IRF3: variants seen among roughly 807,000 people sequenced by gnomAD.
IRF3 encodes interferon regulatory factor 3.
Under a neutral mutation model 43.2 loss-of-function variants are expected in IRF3, and 29 were observed. The observed-to-expected ratio is 0.67, with a 90% CI of 0.50 to 0.91. The LOEUF (loss-of-function observed/expected upper bound fraction) is 0.91. IRF3 is among the 40% of genes least tolerant of loss of function. The pLI is 0.00. For synonymous variants in IRF3, 228 were observed against 233.9 expected, an observed-to-expected ratio of 0.97 and a Z score of 0.23; for missense variants, 505 against 559.1, an observed-to-expected ratio of 0.90 and a Z score of 0.98.
chr19:49,664,875 G>A (rs375548424), intron 1 of IRF3, 29 bp from the exon 2 acceptor site: 1 of 1,590,230 alleles, frequency 6.3e-7, no homozygotes, highest in African/African-American at 1.3e-5. Context: ...TCCTGGGCGC[G>A]ACCGGCCTCC....
At chr19:49,664,359 T>C (rs2122699971) in intron 2 of IRF3, 5 of 1,010,156 alleles carry the variant, frequency 4.9e-6, no homozygotes, top group East Asian at 4.6e-5. Context: ...TCAAGAACCA[T>C]CCCCCAGTAT....
chr19:49,660,360 C>T lies in IRF3; in HGVS notation c.1098+353G>A, dbSNP rs149540786. Among the ~76,000 whole-genome samples the T allele has an allele frequency of 6.2e-4, 95 of 152,270 alleles. 1 individual carries two copies. In the East Asian group the frequency reaches 0.015, roughly 24 times the overall value. Reference sequence around the variant, plus strand: ...ATTCTCAGAGGAGCACAAACTCTATCGAACTGCGCACGTGAGGGATCGGCT... The same window carrying T: ...ATTCTCAGAGGAGCACAAACTCTATTGAACTGCGCACGTGAGGGATCGGCT... On this transcript the variant is annotated intron_variant, in intron 7 of 7. Transcript: ENST00000377139.
In IRF3 at chr19:49,662,172, G is replaced by A. The variant is rs1393674428; in HGVS notation, c.758C>T (p.Thr253Ile). 3 of 1,614,032 alleles carry A rather than the reference G, an allele frequency of 1.9e-6. No individual in the cohort carries two copies. Among genetic ancestry groups the A allele is most frequent in the East Asian group, 2.2e-5 (1 of 44,900 alleles). Residue 253 changes from threonine to isoleucine, a missense_variant, in exon 6 of 8, where the codon ACA (threonine) becomes ATA (isoleucine). Coordinates refer to ENST00000377139, the MANE Select transcript of IRF3 (RefSeq NM_001571.6). ...VTLPDPGMSL[T>I]DRGVMSYVRH... Reference sequence around the variant, plus strand: ...CACGTAGCTCATCACTCCCCTGTCTGTCAGGGACATGCCAGGGTCTGGCAG... The same window carrying A: ...CACGTAGCTCATCACTCCCCTGTCTATCAGGGACATGCCAGGGTCTGGCAG...
At chr19:49,663,649 A>C in intron 2 of IRF3, 135 bp from the exon 3 acceptor site, 1 of 784,718 alleles carries the variant, frequency 1.3e-6, no homozygotes, top group South Asian at 1.8e-5. Context: ...TCCATCCCCA[A>C]ATCCCCCCGT....
At chr19:49,664,878 C>G (rs759090501) in intron 1 of IRF3, 32 bp from the exon 2 acceptor site, 1 of 1,584,336 alleles carries the variant, frequency 6.3e-7, no homozygotes, top group African/African-American at 1.3e-5. Flanking sequence ...TGGGCGCGAC[C>G]GGCCTCCCCC....
At chr19:49,660,241 G>T (rs886469975) in intron 7 of IRF3, among the ~76,000 whole-genome samples, 2 of 152,136 alleles carry the variant, frequency 1.3e-5, no homozygotes, top group Non-Finnish European at 2.9e-5. Flanking sequence ...CCTACGGCTT[G>T]TTAGGGACCA....
rs749170878 is a variant in IRF3 at position 49,662,628 on chromosome 19, A to G, written c.409-11T>C. 6.5e-7 allele frequency: 1 copy of G among 1,527,254 alleles called. No individual in the cohort carries two copies. The highest frequency in any genetic ancestry group is 8.8e-7 in the Non-Finnish European group (1 of 1,138,656). 94.6% of individuals were successfully genotyped at this position (1,527,254 alleles called of 1,614,324 possible). On this transcript the variant is annotated splice_polypyrimidine_tract_variant and intron_variant, in intron 4 of 7. Transcript: ENST00000377139. ...ATCCAGAATGTCTTCCTGGAGGGAAACAAAAAAAGAGAATCAGGCATTTCC... is the reference window on the plus strand; with the variant it reads ...ATCCAGAATGTCTTCCTGGAGGGAAGCAAAAAAAGAGAATCAGGCATTTCC...
At position 49,662,537 on chromosome 19, in the gene IRF3, G is replaced by A. The variant is rs368729955; in HGVS notation, c.489C>T (p.Ala163=). The A allele has an allele frequency of 1.9e-5, 29 of 1,536,826 alleles. No individual in the cohort carries two copies. The highest frequency in any genetic ancestry group is 2.4e-5 in the Admixed American group (1 of 42,342). Residue 163 remains alanine (A), a synonymous_variant, in exon 5 of 8, where the codon GCC becomes GCT. Transcript: ENST00000377139. ...PDPGPPSLAV[A]PEPCPQPLRS... ...GCAGGGGCTGAGGGCAGGGCTCAGG[G>A]GCTACAGCCAGGCTTGGGGGTCCCG...
rs1229756751 is a variant in IRF3, at chr19:49,665,665, A to G, written c.-43T>C. On this transcript the variant is annotated 5_prime_UTR_variant, in exon 1 of 8. Transcript: ENST00000377139. ...AAGGTCGGGGCGTGCGGGCAGCTGGAACCCACCCCTGTCTTGGAGCTCCGG... is the reference window on the plus strand; with the variant it reads ...AAGGTCGGGGCGTGCGGGCAGCTGGGACCCACCCCTGTCTTGGAGCTCCGG... 2 of 982,602 alleles carry G rather than the reference A, an allele frequency of 2.0e-6. No homozygotes were observed. Among genetic ancestry groups the G allele is most frequent in the Admixed American group, 2.7e-5 (1 of 37,052 alleles). 60.9% of individuals were successfully genotyped at this position (982,602 alleles called of 1,614,324 possible). A position where few individuals can be genotyped will look rare whatever the true frequency, so the allele number is the denominator to read the frequency against.
chr19:49,659,613 AG>A lies in IRF3; in HGVS notation c.*34del, dbSNP rs750476278. 3.1e-6 allele frequency: 5 copies of A among 1,589,778 alleles called. No individual in the cohort carries two copies. Among genetic ancestry groups the A allele is most frequent in the Non-Finnish European group, 4.3e-6 (5 of 1,168,370 alleles). ...TTTATTGGTTGAGGTGGTGGGGAAC[AG>A]GGGGGTTGGAGGCACACCATGAGGA... On this transcript the variant is annotated 3_prime_UTR_variant, in exon 8 of 8. Transcript: ENST00000377139.
intron 4 of IRF3, 48 bp downstream of exon 4, chr19:49,663,140 G>A (rs2081422758): frequency 6.6e-7 from 1 of 1,507,842 alleles, no homozygotes; most frequent in African/African-American, 1.4e-5. Flanking sequence ...CAAGGCCCAT[G>A]GAGACAGGTC....
chr19:49,660,866 A>C, intron 6 of IRF3, 38 bp from the exon 7 acceptor site: 1 of 1,558,462 alleles, frequency 6.4e-7, no homozygotes, highest in Non-Finnish European at 8.7e-7. Context: ...TGAGAAGAGG[A>C]CCCTCTACCC....
At chr19:49,665,246 G>C (rs543345496) in intron 1 of IRF3, 3 of 193,688 alleles carry the variant, frequency 1.5e-5, no homozygotes, top group African/African-American at 2.4e-5. Context: ...CCCCAATGTA[G>C]ACCCCCTTCC....
intron 2 of IRF3, among the ~76,000 whole-genome samples, chr19:49,664,038 C>T (rs946866581): frequency 1.3e-5 from 2 of 152,104 alleles, no homozygotes; most frequent in African/African-American, 4.8e-5. Flanking sequence ...TGTTTTGTTT[C>T]GCTTTTGTTT....
intron 2 of IRF3, chr19:49,663,974 G>A: frequency 4.5e-6 from 1 of 222,008 alleles, no homozygotes; most frequent in Non-Finnish European, 9.2e-6. Context: ...GGGATTACAG[G>A]CATGAGCTAC....
In IRF3 at chr19:49,663,356, C is replaced by G. The variant is rs1599866688; in HGVS notation, c.324G>C (p.Glu108Asp). The G allele has an allele frequency of 1.2e-6, 2 of 1,614,204 alleles. No individual in the cohort carries two copies. Among genetic ancestry groups the G allele is most frequent in the Non-Finnish European group, 1.7e-6 (2 of 1,180,032 alleles). Reference sequence around the variant, plus strand: ...AAGCTGGCAGACCTGAGTTCACAAACTCGTAGATTTTATGTGGGTCGTGAG... The same window carrying G: ...AAGCTGGCAGACCTGAGTTCACAAAGTCGTAGATTTTATGTGGGTCGTGAG... The part of the protein sequence containing the change: ...KDPHDPHKIY[E>D]FVNSGVGDFS... The change falls in exon 3 of 8, where the codon GAG becomes GAC. Residue 108 changes from glutamate (E) to aspartate (D), a missense_variant. Coordinates refer to ENST00000377139, the MANE Select transcript of IRF3 (RefSeq NM_001571.6).
At chr19:49,663,604 AC>A (rs2081460862) in intron 2 of IRF3, 90 bp from the exon 3 acceptor site, 1 of 1,270,886 alleles carries the variant, frequency 7.9e-7, no homozygotes, top group Non-Finnish European at 1.1e-6. Flanking sequence ...TCCTAACACC[AC>A]CCTCTTTCCC....
chr19:49,660,149 G>C (rs942568243), intron 7 of IRF3, among the ~76,000 whole-genome samples: 6 of 151,770 alleles, frequency 4.0e-5, no homozygotes, highest in African/African-American at 1.5e-4. Flanking sequence ...ACTCCTGGGA[G>C]CCACAGCCAT....
intron 6 of IRF3, chr19:49,661,113 A>G (rs2081308716): frequency 4.7e-6 from 2 of 425,578 alleles, no homozygotes; most frequent in African/African-American, 4.1e-5. Flanking sequence ...AATCTGGAGA[A>G]GCTGGTTGGC....
Sources: gnomAD v4.1 joint callset for allele counts (sites outside exome capture counted in the v4.1 genomes callset) on GRCh38, gnomAD v4.1.1 for gene constraint, MANE v1.5 for transcripts, NCBI Gene and HGNC (gene_info 2026-07-23, HGNC 2026-07-21) for gene names.